Variants in SPECC1 observed in about 807,000 individuals in gnomAD.
SPECC1 encodes cytospin-B.
Under a neutral mutation model 104.1 loss-of-function variants are expected in SPECC1, and 62 were observed. That is an observed-to-expected ratio of 0.60 (90% CI 0.49 to 0.74). SPECC1 has a LOEUF of 0.74. SPECC1 is among the 30% of genes least tolerant of loss of function. The pLI is 0.00. For synonymous variants in SPECC1, 513 were observed against 501.6 expected (o/e 1.02, Z -0.30); for missense variants, 1,306 against 1,310.5 (o/e 1.00, Z 0.05).
At chr17:20,296,938 A>G (rs2041373199) in intron 12 of SPECC1, 23 bp from the exon 13 acceptor site, 1 of 1,608,342 alleles carries the variant, frequency 6.2e-7, no homozygotes. Context: ...GTTCTTGTTT[A>G]TTACTACTTT....
chr17:20,267,053 G>A (rs1001582293), intron 12 of SPECC1, among the ~76,000 whole-genome samples: 10 of 152,166 alleles, frequency 6.6e-5, no homozygotes, highest in African/African-American at 2.4e-4. Flanking sequence ...ATCTCGAGTG[G>A]CCCAGGATTG....
At chr17:20,064,712 A>G (rs1046839945) in intron 1 of SPECC1, among the ~76,000 whole-genome samples, 2 of 152,170 alleles carry the variant, frequency 1.3e-5, no homozygotes, top group Admixed American at 1.3e-4. Flanking sequence ...GTAAGCCCAC[A>G]AACTTCTTGT....
chr17:20,148,418 T>C (rs1024081831), intron 3 of SPECC1, among the ~76,000 whole-genome samples: 11 of 152,132 alleles, frequency 7.2e-5, no homozygotes, highest in African/African-American at 2.7e-4. Context: ...TTTTTATTTT[T>C]TCTAGAGATA....
intron 1 of SPECC1, among the ~76,000 whole-genome samples, chr17:20,041,190 T>A (rs2045311772): frequency 6.6e-6 from 1 of 152,218 alleles, no homozygotes; most frequent in Non-Finnish European, 1.5e-5. Flanking sequence ...TGTCTTTCCA[T>A]TCAATTTGGT....
chr17:20,251,224 C>CAAAAAAAAAAAAAAA lies in SPECC1; in HGVS notation c.2599-2278_2599-2264dup, dbSNP rs58071050. Among the ~76,000 whole-genome samples the CAAAAAAAAAAAAAAA allele has an allele frequency of 5.1e-4, 26 of 51,004 alleles. 2 individuals are homozygous for CAAAAAAAAAAAAAAA. The highest frequency in any genetic ancestry group is 1.8e-3 in the East Asian group (2 of 1,106). The allele number at this position is 51,004 out of a possible 152,430, so 33.5% of individuals were successfully genotyped here. On this transcript the variant is annotated intron_variant, in intron 9 of 14. Coordinates refer to ENST00000395527, the MANE Select transcript of SPECC1 (RefSeq NM_001243439.2). Reference sequence around the variant, plus strand: ...TGGGCGACAGAGTAAGACTCTATCTCAAAAAAAAAAAAAAAAAGCATATGG... The same window carrying CAAAAAAAAAAAAAAA: ...TGGGCGACAGAGTAAGACTCTATCTCAAAAAAAAAAAAAAAAAAAAAAAAAAAAAAAAGCATATGG...
At chr17:20,159,488 G>A (rs771027570) in intron 3 of SPECC1, among the ~76,000 whole-genome samples, 15 of 152,188 alleles carry the variant, frequency 9.9e-5, no homozygotes, top group Non-Finnish European at 1.8e-4. Context: ...TCTGAGACCC[G>A]CTGTAGGCGT....
intron 13 of SPECC1, among the ~76,000 whole-genome samples, chr17:20,300,630 C>T (rs944651828): frequency 2.0e-5 from 3 of 152,260 alleles, no homozygotes; most frequent in Admixed American, 1.3e-4. Flanking sequence ...TGAGCCTTGC[C>T]TCCTGGGCCA....
At position 20,204,521 on chromosome 17, in the gene SPECC1, A is replaced by G. The variant is rs2036640931; in HGVS notation, c.472A>G (p.Asn158Asp). 6.2e-7 allele frequency: 1 copy of G among 1,614,108 alleles called. No individual in the cohort carries two copies. Among genetic ancestry groups the G allele is most frequent in the South Asian group, 1.1e-5 (1 of 91,074 alleles). The stretch of plus-strand genomic sequence containing the variant: ...CCCTTCCACAAAGCCCAAGCAAGAG[A>G]ATGAAGGTGGAGAAAAGGCTGCGCT... ...RTPSTKPKQE[N>D]EGGEKAALES... The change falls in exon 4 of 15, where the codon AAT (asparagine) becomes GAT (aspartate). Residue 158 changes from asparagine to aspartate, a missense_variant. This residue lies in a region of SPECC1 where 1,177 missense variants were observed against 1,139.9 expected (regional missense o/e 1.03). Coordinates refer to ENST00000395527, the MANE Select transcript of SPECC1 (RefSeq NM_001243439.2).
intron 3 of SPECC1, among the ~76,000 whole-genome samples, chr17:20,194,037 A>G (rs987166510): frequency 2.0e-5 from 3 of 152,198 alleles, no homozygotes; most frequent in Non-Finnish European, 2.9e-5. Context: ...CCAGTTTTCC[A>G]TTTTTACGAA....
chr17:20,233,804 T>C (rs1316470506), intron 7 of SPECC1, among the ~76,000 whole-genome samples: 1 of 152,264 alleles, frequency 6.6e-6, no homozygotes, highest in African/African-American at 2.4e-5. Context: ...GGGTGGCCTC[T>C]GTGTCTGCTT....
At chr17:20,241,244 G>A (rs1441332920) in intron 7 of SPECC1, among the ~76,000 whole-genome samples, 1 of 152,204 alleles carries the variant, frequency 6.6e-6, no homozygotes, top group African/African-American at 2.4e-5. Flanking sequence ...GGAACGCAGA[G>A]CCAGCTCTCT....
chr17:20,194,502 A>ATTATTATTTTTT, intron 3 of SPECC1, among the ~76,000 whole-genome samples: 21 of 86,562 alleles, frequency 2.4e-4, no homozygotes, highest in African/African-American at 9.6e-4. Flanking sequence ...AAGAGAACGA[A>ATTATTATTTTTT]TTTTTTTTTT....
At position 20,236,984 on chromosome 17, in the gene SPECC1, T is replaced by C. The variant is rs1459390512; in HGVS notation, c.2351+4579T>C. The stretch of plus-strand genomic sequence containing the variant: ...AATGTGTAGAGGAGAAATTGCCTCT[T>C]TATAAAGAGCCCAGTTGTCTCCTTG... On this transcript the variant is annotated intron_variant, in intron 7 of 14. Transcript: ENST00000395527. 7 of 1,577,752 alleles carry C rather than the reference T, an allele frequency of 4.4e-6. No homozygotes were observed. In the East Asian group the frequency reaches 1.7e-4, roughly 38 times the overall value.
chr17:20,072,211 C>T (rs1262138370), intron 1 of SPECC1, among the ~76,000 whole-genome samples: 1 of 152,206 alleles, frequency 6.6e-6, no homozygotes, highest in Non-Finnish European at 1.5e-5. Flanking sequence ...AGTGAAGCTA[C>T]GAGGTGATTC....
intron 3 of SPECC1, chr17:20,155,621 C>T (rs1468432834): frequency 6.5e-6 from 1 of 152,752 alleles, no homozygotes; most frequent in Non-Finnish European, 1.5e-5. Flanking sequence ...ATTCATTCAC[C>T]CAAAGAAATG....
At chr17:20,300,441 G>C (rs925959500) in intron 13 of SPECC1, among the ~76,000 whole-genome samples, 3 of 152,374 alleles carry the variant, frequency 2.0e-5, no homozygotes, top group African/African-American at 7.2e-5. Context: ...ATAGTCAGAA[G>C]GCCTTTCTAA....
intron 3 of SPECC1, among the ~76,000 whole-genome samples, chr17:20,183,038 C>T (rs1426928604): frequency 2.6e-5 from 4 of 152,112 alleles, no homozygotes; most frequent in African/African-American, 7.2e-5. Context: ...AATATTAGTA[C>T]GCTTGTAAAC....
chr17:20,235,771 A>G (rs2038872906), intron 7 of SPECC1, among the ~76,000 whole-genome samples: 1 of 152,256 alleles, frequency 6.6e-6, no homozygotes, highest in African/African-American at 2.4e-5. Flanking sequence ...AATTAAACAC[A>G]CTTAATATCT....
chr17:20,310,284 C>T (rs1334922414), intron 14 of SPECC1, among the ~76,000 whole-genome samples: 1 of 152,144 alleles, frequency 6.6e-6, no homozygotes, highest in African/African-American at 2.4e-5. Flanking sequence ...AATGGTAGTT[C>T]TGTTTTAAGT....
Sources: gnomAD v4.1 joint callset for allele counts (sites outside exome capture counted in the v4.1 genomes callset) on GRCh38, gnomAD v4.1.1 for gene constraint, gnomAD v4.1.1 regional missense constraint, MANE v1.5 for transcripts, NCBI Gene and HGNC (gene_info 2026-07-23, HGNC 2026-07-21) for gene names.